LIFR: variants seen among roughly 807,000 people sequenced by gnomAD.
LIFR encodes the protein leukemia inhibitory factor receptor.
In LIFR, 84 loss-of-function variants were observed where a neutral mutation model predicts 122.2. The observed-to-expected ratio is 0.69, with a 90% CI of 0.58 to 0.82. The LOEUF is 0.82. Among genes scored for constraint, LIFR ranks in the 40% least tolerant of loss-of-function variants. The probability of loss-of-function intolerance (pLI) is 0.00; values close to 1 mark genes in which losing one functional copy is unlikely to be tolerated. For missense variants in LIFR, 1,294 were observed against 1,311.6 expected (o/e 0.99, Z 0.21); for synonymous variants, 422 against 434.7 (o/e 0.97, Z 0.36).
upstream of LIFR, among the ~76,000 whole-genome samples, chr5:38,595,947 A>G (rs886188367): frequency 6.6e-6 from 1 of 151,892 alleles, no homozygotes; most frequent in Non-Finnish European, 1.5e-5. Flanking sequence ...CGTGTTAGCC[A>G]GGATGGTCTC....
upstream of LIFR, among the ~76,000 whole-genome samples, chr5:38,596,138 T>A (rs1238677840): frequency 6.6e-6 from 1 of 152,142 alleles, no homozygotes; most frequent in African/African-American, 2.4e-5. Context: ...CTCTTTAGAA[T>A]AAGACTGGAG....
In LIFR at chr5:38,510,344, CAAAG is replaced by C. The variant is rs748025418; in HGVS notation, c.991+116_991+119del. The stretch of plus-strand genomic sequence containing the variant: ...TTTGTATAGCCTTTATATTAAAGAA[CAAAG>C]AAATGAGAAAGAAACAGAATCACTC... On this transcript the variant is annotated intron_variant, in intron 7 of 19. Coordinates refer to ENST00000453190, the MANE Select transcript of LIFR (RefSeq NM_001127671.2). 2.0e-5 allele frequency: 19 copies of C among 956,814 alleles called. 1 individual carries two copies. Among genetic ancestry groups the C allele is most frequent in the Non-Finnish European group, 2.7e-5 (17 of 623,152 alleles). 59.3% of individuals were successfully genotyped at this position (956,814 alleles called of 1,614,324 possible). A position where few individuals can be genotyped will look rare whatever the true frequency, so the allele number is the denominator to read the frequency against.
intron 1 of LIFR, among the ~76,000 whole-genome samples, chr5:38,552,721 A>G (rs1748269648): frequency 6.6e-6 from 1 of 152,246 alleles, no homozygotes; most frequent in Admixed American, 6.5e-5. Context: ...CAGTTTGACA[A>G]AAGTGATAAT....
chr5:38,506,680 G>A, intron 7 of LIFR, 48 bp from the exon 8 acceptor site: 2 of 1,503,022 alleles, frequency 1.3e-6, no homozygotes, highest in South Asian at 1.1e-5. Flanking sequence ...TATTTTCCCT[G>A]AAAACATAAT....
intron 4 of LIFR, among the ~76,000 whole-genome samples, chr5:38,525,065 G>A (rs925786052): frequency 1.3e-5 from 2 of 152,170 alleles, no homozygotes; most frequent in Admixed American, 6.5e-5. Flanking sequence ...CATGCTCAAA[G>A]GTTTGGGCAT....
At chr5:38,598,236 TATTTATTTATTTTTTTTTTTTTTC>T (rs1561235497), upstream of LIFR, among the ~76,000 whole-genome samples, 202 of 34,290 alleles carry the variant, frequency 5.9e-3, 17 homozygotes, top group African/African-American at 0.012. Flanking sequence ...TTTTTTTATT[TATTTATTTATTTTTTTTTTTTTTC>T]TTTTTAGAGG....
intron 1 of LIFR, among the ~76,000 whole-genome samples, chr5:38,538,299 G>C (rs1437268441): frequency 6.6e-6 from 1 of 152,138 alleles, no homozygotes; most frequent in African/African-American, 2.4e-5. Context: ...TGTGCTTGTG[G>C]CTATAACATC....
chr5:38,590,515 C>G (rs1749889610), intron 1 of LIFR, among the ~76,000 whole-genome samples: 1 of 152,168 alleles, frequency 6.6e-6, no homozygotes, highest in South Asian at 2.1e-4. Flanking sequence ...TAACTAAGGA[C>G]CACCTATGAC....
rs1361536430 is a variant in LIFR at position 38,479,125 on chromosome 5, G to A, written c.*2470C>T. The stretch of plus-strand genomic sequence containing the variant: ...TGTTGTTACTCTCCCTACACACACA[G>A]GTTGGGGGGAGTAGAGGTAATATCC... On this transcript the variant is annotated 3_prime_UTR_variant, in exon 20 of 20. Transcript: ENST00000453190. 1 of 231,888 alleles carries A rather than the reference G, an allele frequency of 4.3e-6. No individual in the cohort carries two copies. Among genetic ancestry groups the A allele is most frequent in the African/African-American group, 2.2e-5 (1 of 45,234 alleles). 14.4% of individuals were successfully genotyped at this position (231,888 alleles called of 1,614,324 possible).
At chr5:38,590,148 T>C (rs1320002188) in intron 1 of LIFR, among the ~76,000 whole-genome samples, 3 of 152,246 alleles carry the variant, frequency 2.0e-5, no homozygotes, top group African/African-American at 7.2e-5. Flanking sequence ...ATATAGGCTT[T>C]GATCATTTAC....
intron 1 of LIFR, among the ~76,000 whole-genome samples, chr5:38,545,292 T>A (rs72742550): frequency 0.05 from 7,539 of 151,592 alleles, 282 homozygotes; most frequent in Admixed American, 0.074. Flanking sequence ...AATTAAATCA[T>A]GTTACAAGAC....
At chr5:38,576,762 A>G (rs996260656) in intron 1 of LIFR, among the ~76,000 whole-genome samples, 1 of 152,216 alleles carries the variant, frequency 6.6e-6, no homozygotes, top group African/African-American at 2.4e-5. Context: ...GTGATAAAGG[A>G]TCAAGTAATC....
chr5:38,510,279 G>C (rs962554745), intron 7 of LIFR, among the ~76,000 whole-genome samples, 185 bp downstream of exon 7: 2 of 152,126 alleles, frequency 1.3e-5, no homozygotes, highest in African/African-American at 2.4e-5. Context: ...TGGAAAACAA[G>C]CTTGCAATTC....
At chr5:38,543,613 CA>C (rs1300712921) in intron 1 of LIFR, among the ~76,000 whole-genome samples, 17 of 152,122 alleles carry the variant, frequency 1.1e-4, no homozygotes, top group African/African-American at 4.1e-4. Context: ...AGATATCAGA[CA>C]AGATTTCAAA....
chr5:38,605,498 G>C (rs1750309752), intron 2 of LIFR, among the ~76,000 whole-genome samples: 1 of 152,104 alleles, frequency 6.6e-6, no homozygotes, highest in African/African-American at 2.4e-5. Flanking sequence ...TATTCATGTA[G>C]AATTTAGAAG....
chr5:38,517,243 C>G (rs1012989720), intron 5 of LIFR, among the ~76,000 whole-genome samples: 1 of 151,844 alleles, frequency 6.6e-6, no homozygotes, highest in Non-Finnish European at 1.5e-5. Flanking sequence ...AAATAAAAAG[C>G]CTTGTCCCTA....
upstream of LIFR, among the ~76,000 whole-genome samples, chr5:38,598,230 T>TA (rs1750149521): frequency 2.9e-4 from 13 of 44,742 alleles, no homozygotes; most frequent in African/African-American, 1.6e-3. Context: ...TTTTTTTTTT[T>TA]TTATTTATTT....
intron 1 of LIFR, among the ~76,000 whole-genome samples, chr5:38,567,774 C>G (rs1316573342): frequency 6.6e-6 from 1 of 152,016 alleles, no homozygotes; most frequent in Non-Finnish European, 1.5e-5. Context: ...GGTGATCTGC[C>G]CACCTCAACC....
intron 2 of LIFR, among the ~76,000 whole-genome samples, chr5:38,603,521 C>T (rs1271693063): frequency 6.6e-6 from 1 of 152,184 alleles, no homozygotes; most frequent in East Asian, 1.9e-4. Flanking sequence ...CTTCCAAACC[C>T]AAGGTCAGGG....
Sources: allele counts gnomAD v4.1 joint callset (sites outside exome capture counted in the v4.1 genomes callset), GRCh38; gene constraint gnomAD v4.1.1; transcripts MANE v1.5; gene names NCBI Gene and HGNC (gene_info 2026-07-23, HGNC 2026-07-21).